Variants in ABCC1 observed in about 807,000 individuals in gnomAD.
ABCC1 encodes the protein multidrug resistance-associated protein 1.
In ABCC1, 83 loss-of-function variants were observed where a neutral mutation model predicts 172.9. The ratio of observed to expected loss-of-function variants is 0.48; its 90% CI spans 0.40 to 0.58. ABCC1 has a LOEUF of 0.58. ABCC1 is among the 20% of genes least tolerant of loss of function. The probability of loss-of-function intolerance (pLI) is 0.00; values close to 1 mark genes in which losing one functional copy is unlikely to be tolerated. For synonymous variants in ABCC1, 937 were observed against 825.2 expected, an observed-to-expected ratio of 1.14 and a Z score of -2.32; for missense variants, 1,817 against 2,002.7, an observed-to-expected ratio of 0.91 and a Z score of 1.77.
intron 9 of ABCC1, among the ~76,000 whole-genome samples, chr16:16,046,511 A>C (rs2049216252): frequency 1.3e-5 from 2 of 151,932 alleles, no homozygotes; most frequent in Non-Finnish European, 2.9e-5. Context: ...CGACCGGCTA[A>C]TTTTTGTATT....
At chr16:15,977,903 A>T (rs2046529223) in intron 1 of ABCC1, among the ~76,000 whole-genome samples, 2 of 152,302 alleles carry the variant, frequency 1.3e-5, no homozygotes, top group South Asian at 4.1e-4. Context: ...GCAGTGAGCT[A>T]ACCTGCCTGT....
At chr16:15,964,270 C>T (rs1212418404) in intron 1 of ABCC1, among the ~76,000 whole-genome samples, 1 of 152,096 alleles carries the variant, frequency 6.6e-6, no homozygotes, top group Non-Finnish European at 1.5e-5. Flanking sequence ...GCTCTGCTTC[C>T]TCTTGAATGC....
At chr16:16,033,269 C>T in intron 6 of ABCC1, 99 bp downstream of exon 6, 2 of 1,198,400 alleles carry the variant, frequency 1.7e-6, no homozygotes, top group East Asian at 2.4e-5. Flanking sequence ...CCAACTTCTC[C>T]CTCCTTTGCT....
At chr16:16,067,519 A>G (rs2050156589) in intron 12 of ABCC1, among the ~76,000 whole-genome samples, 1 of 152,194 alleles carries the variant, frequency 6.6e-6, no homozygotes, top group African/African-American at 2.4e-5. Context: ...ATAAGTGCCA[A>G]CAGCCCTTAA....
At chr16:16,127,917 T>G (rs960921077) in intron 26 of ABCC1, among the ~76,000 whole-genome samples, 211 of 76,222 alleles carry the variant, frequency 2.8e-3, no homozygotes, top group African/African-American at 0.013. Flanking sequence ...TTTCATTAGG[T>G]TTTTTTTTTT....
intron 14 of ABCC1, among the ~76,000 whole-genome samples, chr16:16,074,465 G>A (rs2050475716): frequency 6.6e-6 from 1 of 152,122 alleles, no homozygotes; most frequent in African/African-American, 2.4e-5. Context: ...CCGGCGGTGG[G>A]TGGGGGGTGG....
Position 16,132,518 on chromosome 16 carries a change from T to TTTTG in ABCC1, c.3966+586_3966+587insGTTT, listed in dbSNP as rs1567441452. On this transcript the variant is annotated intron_variant, in intron 27 of 30. Coordinates refer to ENST00000399410, the MANE Select transcript of ABCC1 (RefSeq NM_004996.4). ...TTGTTTTTTGGTTGGTTGTTTTTTT[T>TTTTG]TTTTTTTTTTTTTTTTTTTTTGAGA... 1.3e-4 allele frequency among the ~76,000 whole-genome samples: 11 copies of TTTTG among 82,708 alleles called. 1 individual carries two copies. Among genetic ancestry groups the TTTTG allele is most frequent in the Non-Finnish European group, 1.3e-4 (5 of 37,896 alleles). The allele number at this position is 82,708 out of a possible 152,430, so 54.3% of individuals were successfully genotyped here.
chr16:16,131,447 C>G (rs1187845208), intron 26 of ABCC1, among the ~76,000 whole-genome samples: 1 of 152,142 alleles, frequency 6.6e-6, no homozygotes, highest in Admixed American at 6.6e-5. Context: ...ACAATTAGAG[C>G]CTGTCCTCAT....
At chr16:16,132,645 C>G (rs896412687) in intron 27 of ABCC1, among the ~76,000 whole-genome samples, 1 of 150,702 alleles carries the variant, frequency 6.6e-6, no homozygotes, top group African/African-American at 2.4e-5. Flanking sequence ...CCTTAGCCTC[C>G]CGAGTAGCTG....
chr16:16,013,240 G>A (rs2047861170), intron 3 of ABCC1, among the ~76,000 whole-genome samples: 1 of 151,536 alleles, frequency 6.6e-6, no homozygotes, highest in Non-Finnish European at 1.5e-5. Flanking sequence ...GCAGGCACTG[G>A]TAATATGGGA....
rs45498395 is a variant in ABCC1 at position 16,090,686 on chromosome 16, C to T, written c.2644+98C>T. ...GTTGCCACCAGCCACTTGGGGAAGG[C>T]GGCTCCTCAGGGCATGAGGGTGGGA... On this transcript the variant is annotated intron_variant, in intron 19 of 30. Coordinates refer to ENST00000399410, the MANE Select transcript of ABCC1 (RefSeq NM_004996.4). 4.9e-4 allele frequency: 661 copies of T among 1,350,078 alleles called. 2 individuals carry two copies. In the African/African-American group the frequency reaches 8.2e-3, roughly 17 times the overall value. The allele number at this position is 1,350,078 out of a possible 1,614,324, so 83.6% of individuals were successfully genotyped here.
At chr16:16,033,084 C>A in intron 5 of ABCC1, 25 bp from the exon 6 acceptor site, 1 of 1,612,072 alleles carries the variant, frequency 6.2e-7, no homozygotes, top group Non-Finnish European at 8.5e-7. Flanking sequence ...CTCTTCCTCC[C>A]AAACCTGTGC....
rs147161637 is a variant in ABCC1, at chr16:16,043,222, GTTT to G, written c.810-1209_810-1207del. Among the ~76,000 whole-genome samples, 476 of 89,486 alleles carry G rather than the reference GTTT, an allele frequency of 5.3e-3. 3 individuals are homozygous for G. The highest frequency in any genetic ancestry group is 0.023 in the African/African-American group (458 of 19,682). The allele number at this position is 89,486 out of a possible 152,430, so 58.7% of individuals were successfully genotyped here. A position where few individuals can be genotyped will look rare whatever the true frequency, so the allele number is the denominator to read the frequency against. ...CTGTGTTGCTCTGGCTGGCTGGACT[GTTT>G]TTTTTTTTTTTTTTTTTTCCACTGA... On this transcript the variant is annotated intron_variant, in intron 7 of 30. Coordinates refer to ENST00000399410, the MANE Select transcript of ABCC1 (RefSeq NM_004996.4).
chr16:16,125,902 T>C lies in ABCC1; in HGVS notation c.3810T>C (p.Thr1270=), dbSNP rs1173811155. Residue 1270 remains threonine, a synonymous_variant, in exon 26 of 31, where the codon ACT becomes ACC. Transcript: ENST00000399410. ...AVERLKEYSE[T]EKEAPWQIQE... ...AGAGGCTCAAGGAGTATTCAGAGACTGAGAAGGAGGTAGGCAAGGGCCCCT... is the reference window on the plus strand; with the variant it reads ...AGAGGCTCAAGGAGTATTCAGAGACCGAGAAGGAGGTAGGCAAGGGCCCCT... 5 of 1,613,758 alleles carry C rather than the reference T, an allele frequency of 3.1e-6. No homozygotes were observed. The highest frequency in any genetic ancestry group is 4.2e-6 in the Non-Finnish European group (5 of 1,179,844).
chr16:15,961,844 C>T lies in ABCC1; in HGVS notation c.48+12045C>T, dbSNP rs566495006. On this transcript the variant is annotated intron_variant, in intron 1 of 30. Transcript: ENST00000399410. ...TGGCTGAGCCATGTATTCACCCATT[C>T]CCCTCTTGGTGTCTATCAAGGTCAT... Among the ~76,000 whole-genome samples, 8 of 151,428 alleles carry T rather than the reference C, an allele frequency of 5.3e-5. No individual in the cohort carries two copies. In the East Asian group the frequency reaches 1.5e-3, roughly 29 times the overall value.
intron 1 of ABCC1, among the ~76,000 whole-genome samples, chr16:15,963,046 A>G (rs1178065352): frequency 5.3e-5 from 8 of 152,258 alleles, no homozygotes; most frequent in Admixed American, 4.6e-4. Context: ...CCTAGATACA[A>G]TGGGGGTACA....
intron 1 of ABCC1, among the ~76,000 whole-genome samples, chr16:15,993,982 G>A (rs2046964750): frequency 1.3e-5 from 2 of 152,134 alleles, no homozygotes; most frequent in Non-Finnish European, 2.9e-5. Context: ...TCTAATCCCG[G>A]CACTCTGGGA....
At chr16:16,109,412 A>G (rs1431581266) in intron 21 of ABCC1, among the ~76,000 whole-genome samples, 1 of 152,116 alleles carries the variant, frequency 6.6e-6, no homozygotes, top group Non-Finnish European at 1.5e-5. Context: ...CCTGGGCTCA[A>G]GTCATTGTCC....
intron 23 of ABCC1, among the ~76,000 whole-genome samples, chr16:16,119,931 C>T (rs1446854220): frequency 1.3e-5 from 2 of 152,122 alleles, no homozygotes; most frequent in African/African-American, 2.4e-5. Flanking sequence ...TCATGGGAGG[C>T]GGTGGGAACA....
Sources: allele counts gnomAD v4.1 joint callset (sites outside exome capture counted in the v4.1 genomes callset), GRCh38; gene constraint gnomAD v4.1.1; transcripts MANE v1.5; gene names NCBI Gene and HGNC (gene_info 2026-07-23, HGNC 2026-07-21).